RNF141: variants seen among roughly 807,000 people sequenced by gnomAD.
RNF141 encodes ring finger protein 141.
In RNF141, 18 loss-of-function variants were observed where a neutral mutation model predicts 27.4. The ratio of observed to expected loss-of-function variants is 0.66; its 90% CI spans 0.45 to 0.97. The LOEUF (loss-of-function observed/expected upper bound fraction) is 0.97, where lower values mean the gene tolerates loss of function less well. Ranked by LOEUF, RNF141 falls within the 50% of genes least tolerant of loss-of-function variation. The pLI is 0.00. For missense variants in RNF141, 230 were observed against 279.4 expected (o/e 0.82, Z 1.26); for synonymous variants, 97 against 96.6 (o/e 1.00, Z -0.02).
At chr11:10,531,996 C>A in intron 2 of RNF141, 1 of 452,478 alleles carries the variant, frequency 2.2e-6, no homozygotes, top group Non-Finnish European at 4.4e-6. Flanking sequence ...AGAATCAAAT[C>A]CAGTCAGAAA....
rs549273931 is a variant in RNF141, at chr11:10,526,435, G to A, written c.253-1062C>T. 2.0e-4 allele frequency among the ~76,000 whole-genome samples: 31 copies of A among 152,084 alleles called. No homozygotes were observed. The South Asian group carries it at 2.7e-3, about 13-fold the overall frequency. ...TAAATGAAAATAATAGTTGTAACAC[G>A]TTTATTAATTGCTTACTATTTGAAA... On this transcript the variant is annotated intron_variant, in intron 3 of 5. Transcript: ENST00000265981.
At chr11:10,532,946 G>A (rs1027054068) in intron 2 of RNF141, among the ~76,000 whole-genome samples, 4 of 152,298 alleles carry the variant, frequency 2.6e-5, no homozygotes, top group South Asian at 2.1e-4. Context: ...TAATACCTGC[G>A]TAATCAACTT....
chr11:10,524,692 A>T (rs879601383), intron 4 of RNF141, among the ~76,000 whole-genome samples: 1 of 152,224 alleles, frequency 6.6e-6, no homozygotes, highest in Non-Finnish European at 1.5e-5. Flanking sequence ...TCATCAGAGA[A>T]AACTCTGGCT....
In RNF141 at chr11:10,511,939, G is replaced by A. The variant is rs532927150; in HGVS notation, c.*2977C>T. The A allele has an allele frequency of 3.4e-4, 52 of 152,674 alleles. No individual in the cohort carries two copies. Among genetic ancestry groups the A allele is most frequent in the Admixed American group, 8.5e-4 (13 of 15,288 alleles). The allele number at this position is 152,674 out of a possible 1,614,324, so 9.5% of individuals were successfully genotyped here. Reference sequence around the variant, plus strand: ...TCTCTTCAATTAGCTAAAATCACTTGCGAAAGATTATTTATTGCACAATTT... The same window carrying A: ...TCTCTTCAATTAGCTAAAATCACTTACGAAAGATTATTTATTGCACAATTT... On this transcript the variant is annotated 3_prime_UTR_variant, in exon 6 of 6. Coordinates refer to ENST00000265981, the MANE Select transcript of RNF141 (RefSeq NM_016422.4).
At chr11:10,522,739 A>G (rs1033327079) in intron 4 of RNF141, among the ~76,000 whole-genome samples, 2 of 152,230 alleles carry the variant, frequency 1.3e-5, no homozygotes, top group Admixed American at 1.3e-4. Context: ...ATATAGTAAC[A>G]ATAATAATGA....
chr11:10,533,378 T>TTGAC (rs1309492472), intron 2 of RNF141, among the ~76,000 whole-genome samples: 1 of 152,074 alleles, frequency 6.6e-6, no homozygotes, highest in Admixed American at 6.5e-5. Context: ...GCAGAGAAAT[T>TTGAC]TATATTTCAT....
At chr11:10,527,788 C>A (rs536236515) in intron 3 of RNF141, among the ~76,000 whole-genome samples, 3 of 152,042 alleles carry the variant, frequency 2.0e-5, no homozygotes, top group South Asian at 4.1e-4. Flanking sequence ...GCAGGGAGAT[C>A]AGTTAGGAGG....
intron 4 of RNF141, 61 bp downstream of exon 4, chr11:10,525,131 T>C: frequency 7.9e-7 from 1 of 1,271,432 alleles, no homozygotes; most frequent in Non-Finnish European, 1.1e-6. Flanking sequence ...AAAATATTAA[T>C]AGATTTCAGT....
At chr11:10,526,001 T>C (rs1388118247) in intron 3 of RNF141, among the ~76,000 whole-genome samples, 1 of 152,124 alleles carries the variant, frequency 6.6e-6, no homozygotes, top group Middle Eastern at 3.2e-3. Context: ...CAATCTAATG[T>C]AGAAGATACT....
intron 5 of RNF141, 191 bp from the exon 6 acceptor site, chr11:10,515,257 A>G (rs1263754049): frequency 1.6e-6 from 1 of 620,848 alleles, no homozygotes; most frequent in Non-Finnish European, 2.7e-6. Flanking sequence ...CCAGTTTCTT[A>G]TATATTCCTC....
chr11:10,512,534 G>A lies in RNF141; in HGVS notation c.*2382C>T, dbSNP rs1384348363. On this transcript the variant is annotated 3_prime_UTR_variant, in exon 6 of 6. Transcript: ENST00000265981. ...TAAAATCATTGGCTATCCCTGGAAA[G>A]ATCCAAAACTCTGTAAGGTAACTCT... 2 of 152,518 alleles carry A rather than the reference G, an allele frequency of 1.3e-5. No homozygotes were observed. Among genetic ancestry groups the A allele is most frequent in the Non-Finnish European group, 2.9e-5 (2 of 68,008 alleles). 9.4% of individuals were successfully genotyped at this position (152,518 alleles called of 1,614,324 possible).
intron 3 of RNF141, among the ~76,000 whole-genome samples, chr11:10,530,282 A>C (rs1011615449): frequency 2.0e-5 from 3 of 152,244 alleles, no homozygotes; most frequent in Non-Finnish European, 4.4e-5. Context: ...TATTCTTAAA[A>C]GAAATGATCT....
rs541310920 is a variant in RNF141 at position 10,522,536 on chromosome 11, T to C, written c.434+2656A>G. On this transcript the variant is annotated intron_variant, in intron 4 of 5. Transcript: ENST00000265981. ...ACACATACTGACAGAGAAAAGACCATCTGGGAAAGCCTCCAGTATGTAGAC... is the reference window on the plus strand; with the variant it reads ...ACACATACTGACAGAGAAAAGACCACCTGGGAAAGCCTCCAGTATGTAGAC... 2.6e-5 allele frequency among the ~76,000 whole-genome samples: 4 copies of C among 152,274 alleles called. No homozygotes were observed. In the East Asian group the frequency reaches 5.8e-4, roughly 22 times the overall value.
intron 1 of RNF141, among the ~76,000 whole-genome samples, chr11:10,539,249 C>A (rs1291271688): frequency 6.6e-6 from 1 of 152,164 alleles, no homozygotes; most frequent in African/African-American, 2.4e-5. Flanking sequence ...AAAAACTGCT[C>A]AAAAACTCCT....
chr11:10,523,188 C>T lies in RNF141; in HGVS notation c.434+2004G>A, dbSNP rs558659622. 2.6e-5 allele frequency among the ~76,000 whole-genome samples: 4 copies of T among 152,266 alleles called. No homozygotes were observed. In the East Asian group the frequency reaches 7.7e-4, roughly 29 times the overall value. ...TTATCTGAGGATCAGCAGCATTGGC[C>T]CCACCTGGGAGCTTGACAGACTCTC... On this transcript the variant is annotated intron_variant, in intron 4 of 5. Coordinates refer to ENST00000265981, the MANE Select transcript of RNF141 (RefSeq NM_016422.4).
intron 1 of RNF141, chr11:10,540,826 G>C (rs1158642244): frequency 1.3e-5 from 2 of 152,244 alleles, no homozygotes; most frequent in African/African-American, 4.8e-5. Context: ...CAACCGTTTT[G>C]GGATAGAGAA....
intron 1 of RNF141, among the ~76,000 whole-genome samples, chr11:10,539,711 G>GAGAGAGAGAGAGAGAGA (rs1564870337): frequency 1.4e-4 from 1 of 7,098 alleles, no homozygotes; most frequent in African/African-American, 4.0e-4. Context: ...AGAGAGAGAA[G>GAGAGAGAGAGAGAGAGA]GAGAGAGAAA....
Position 10,514,603 on chromosome 11 carries a change from G to GTGTT in RNF141, c.*309_*312dup, listed in dbSNP as rs1849828247. 2 of 210,338 alleles carry GTGTT rather than the reference G, an allele frequency of 9.5e-6. No homozygotes were observed. Among genetic ancestry groups the GTGTT allele is most frequent in the Non-Finnish European group, 1.9e-5 (2 of 107,050 alleles). 13.0% of individuals were successfully genotyped at this position (210,338 alleles called of 1,614,324 possible). A position where few individuals can be genotyped will look rare whatever the true frequency, so the allele number is the denominator to read the frequency against. On this transcript the variant is annotated 3_prime_UTR_variant, in exon 6 of 6. Transcript: ENST00000265981. ...AATACTCCTGCCCTGCAAAACAGTA[G>GTGTT]TGTTTTAGAAGCCTCTGGAAGTGTT... is the stretch of plus-strand genomic sequence containing the variant.
chr11:10,533,292 C>T (rs1405688612), intron 2 of RNF141, among the ~76,000 whole-genome samples: 1 of 152,022 alleles, frequency 6.6e-6, no homozygotes, highest in Non-Finnish European at 1.5e-5. Context: ...ATAGCTTCTA[C>T]ATAGATCAAT....
Sources: allele counts gnomAD v4.1 joint callset (sites outside exome capture counted in the v4.1 genomes callset), GRCh38; gene constraint gnomAD v4.1.1; transcripts MANE v1.5; gene names NCBI Gene and HGNC (gene_info 2026-07-23, HGNC 2026-07-21).